ETHE1: variants seen among roughly 807,000 people sequenced by gnomAD.
ETHE1 encodes ETHE1 persulfide dioxygenase.
Under a neutral mutation model 25.7 loss-of-function variants are expected in ETHE1, and 16 were observed. That is an observed-to-expected ratio of 0.62 (90% confidence interval 0.42 to 0.95). The LOEUF is 0.95. Among genes scored for constraint, ETHE1 ranks in the 40% least tolerant of loss-of-function variants. ETHE1 has a pLI of 0.00. For synonymous variants in ETHE1, 139 were observed against 135.9 expected (o/e 1.02, Z -0.16); for missense variants, 300 against 333.6 (o/e 0.90, Z 0.79).
chr19:43,510,984 T>C (rs1217839649), intron 4 of ETHE1, among the ~76,000 whole-genome samples: 2 of 152,014 alleles, frequency 1.3e-5, no homozygotes, highest in East Asian at 1.9e-4. Flanking sequence ...ACAAACTCTA[T>C]TGCGAACTGC....
intron 3 of ETHE1, among the ~76,000 whole-genome samples, chr19:43,518,777 T>A (rs1972076644): frequency 1.4e-5 from 2 of 146,304 alleles, no homozygotes; most frequent in Non-Finnish European, 1.5e-5. Flanking sequence ...AAAAAAAAGT[T>A]ACTGCATATT....
intron 3 of ETHE1, among the ~76,000 whole-genome samples, chr19:43,522,639 GC>G (rs929386514): frequency 4.5e-4 from 69 of 151,960 alleles, no homozygotes; most frequent in African/African-American, 1.4e-3. Flanking sequence ...ACCCCACCAC[GC>G]CCAGCTTATT....
At chr19:43,526,898 G>T in intron 1 of ETHE1, 199 bp downstream of exon 1, 1 of 1,474,226 alleles carries the variant, frequency 6.8e-7, no homozygotes, top group Non-Finnish European at 8.9e-7. Flanking sequence ...GAGGACCCAG[G>T]GGTCTGGCCC....
intron 3 of ETHE1, among the ~76,000 whole-genome samples, chr19:43,518,995 G>GGTTT (rs1568497876): frequency 1.9e-5 from 2 of 106,950 alleles, no homozygotes; most frequent in African/African-American, 3.7e-5. Context: ...TGAAATTTGT[G>GGTTT]CTTGTTTTTT....
intron 3 of ETHE1, among the ~76,000 whole-genome samples, chr19:43,512,664 A>G (rs906258009): frequency 1.3e-5 from 2 of 152,172 alleles, no homozygotes; most frequent in Non-Finnish European, 2.9e-5. Context: ...TCACAATGAT[A>G]TGGTTTGGAA....
chr19:43,523,171 G>A (rs1210862259), intron 3 of ETHE1, among the ~76,000 whole-genome samples: 1 of 152,154 alleles, frequency 6.6e-6, no homozygotes, highest in East Asian at 1.9e-4. Context: ...AGACTTCTGG[G>A]GTGATGGGCA....
intron 3 of ETHE1, among the ~76,000 whole-genome samples, chr19:43,516,022 C>G (rs1212506698): frequency 2.0e-5 from 3 of 152,128 alleles, no homozygotes; most frequent in African/African-American, 7.2e-5. Context: ...TCATGCTACT[C>G]AGAACGATGT....
intron 4 of ETHE1, 30 bp from the exon 5 acceptor site, chr19:43,508,894 A>G: frequency 5.2e-6 from 8 of 1,542,434 alleles, no homozygotes; most frequent in Non-Finnish European, 7.1e-6. Context: ...AGGTCAGTGG[A>G]TCAACAGGAC....
rs960851778 is a variant in ETHE1 at position 43,506,723 on chromosome 19, G to A, written c.*127C>T. On this transcript the variant is annotated 3_prime_UTR_variant, in exon 7 of 7. Coordinates refer to ENST00000292147, the MANE Select transcript of ETHE1 (RefSeq NM_014297.5). ...GAAAATAGGTAGAAGTCAGACTCAC[G>A]TTAAAAAAAGTTTTATTTAGGGAGC... is the stretch of plus-strand genomic sequence containing the variant. The A allele has an allele frequency of 8.8e-6, 8 of 910,232 alleles. No individual in the cohort carries two copies. The highest frequency in any genetic ancestry group is 2.5e-5 in the East Asian group (1 of 40,008). 56.4% of individuals were successfully genotyped at this position (910,232 alleles called of 1,614,324 possible).
At chr19:43,525,134 A>G (rs369293647) in intron 3 of ETHE1, among the ~76,000 whole-genome samples, 17 of 150,460 alleles carry the variant, frequency 1.1e-4, no homozygotes, top group Non-Finnish European at 1.8e-4. Flanking sequence ...ATAAAAAAAA[A>G]AAAGAAAGAA....
intron 3 of ETHE1, among the ~76,000 whole-genome samples, chr19:43,522,281 T>C (rs1972151588): frequency 6.6e-6 from 1 of 152,006 alleles, no homozygotes; most frequent in African/African-American, 2.4e-5. Context: ...AAAAATTAGC[T>C]GGGCATGGTG....
At chr19:43,514,191 G>C (rs1971975520) in intron 3 of ETHE1, among the ~76,000 whole-genome samples, 1 of 152,108 alleles carries the variant, frequency 6.6e-6, no homozygotes, top group African/African-American at 2.4e-5. Context: ...ATCTCATCTT[G>C]AATTATAGCT....
intron 4 of ETHE1, 31 bp downstream of exon 4, chr19:43,511,403 TGAA>T: frequency 1.2e-6 from 2 of 1,614,052 alleles, no homozygotes; most frequent in Non-Finnish European, 1.7e-6. Context: ...CGTAACTATA[TGAA>T]GATCTTGGGC....
At chr19:43,523,238 T>C (rs8110232) in intron 3 of ETHE1, among the ~76,000 whole-genome samples, 102,270 of 151,316 alleles carry the variant, frequency 0.68, 34,370 homozygotes, top group East Asian at 0.73. Context: ...TGTGGACTCC[T>C]TTCATTCCAT....
chr19:43,523,771 A>T (rs1380685872), intron 3 of ETHE1, among the ~76,000 whole-genome samples: 1 of 151,926 alleles, frequency 6.6e-6, no homozygotes, highest in Non-Finnish European at 1.5e-5. Flanking sequence ...CCCTATCTCT[A>T]CTAAAAATAC....
intron 4 of ETHE1, among the ~76,000 whole-genome samples, chr19:43,509,604 G>A (rs1331196456): frequency 6.6e-6 from 1 of 151,918 alleles, no homozygotes; most frequent in Non-Finnish European, 1.5e-5. Flanking sequence ...GACCATCCTG[G>A]CTAACATGGT....
Position 43,518,013 on chromosome 19 carries a change from C to CA in ETHE1, c.376-6448dup, listed in dbSNP as rs34782895. Among the ~76,000 whole-genome samples, 18 of 139,892 alleles carry CA rather than the reference C, an allele frequency of 1.3e-4. No homozygotes were observed. The South Asian group carries it at 1.3e-3, about 10-fold the overall frequency. 91.8% of individuals were successfully genotyped at this position (139,892 alleles called of 152,430 possible). A position where few individuals can be genotyped will look rare whatever the true frequency, so the allele number is the denominator to read the frequency against. On this transcript the variant is annotated intron_variant, in intron 3 of 6. Coordinates refer to ENST00000292147, the MANE Select transcript of ETHE1 (RefSeq NM_014297.5). ...CTTGGGTGACAGAGCGAGACTGTCT[C>CA]AAAAAAAAAAGTCAATATCCTGGGG...
chr19:43,510,076 G>T (rs1017607412), intron 4 of ETHE1, among the ~76,000 whole-genome samples: 1 of 152,060 alleles, frequency 6.6e-6, no homozygotes, highest in Non-Finnish European at 1.5e-5. Flanking sequence ...TGGCTTCCAC[G>T]GCCATCTCAT....
chr19:43,517,021 A>C (rs1972034076), intron 3 of ETHE1, among the ~76,000 whole-genome samples: 1 of 151,302 alleles, frequency 6.6e-6, no homozygotes, highest in Non-Finnish European at 1.5e-5. Context: ...ATGGGCTCTC[A>C]CTATGTTGAC....
Sources: allele counts gnomAD v4.1 joint callset (sites outside exome capture counted in the v4.1 genomes callset), GRCh38; gene constraint gnomAD v4.1.1; transcripts MANE v1.5; gene names NCBI Gene and HGNC (gene_info 2026-07-23, HGNC 2026-07-21).